Variants in MYO18B observed in about 807,000 individuals in gnomAD.
MYO18B encodes unconventional myosin-XVIIIb.
In MYO18B, 204 loss-of-function variants were observed where a neutral mutation model predicts 273.0. The observed-to-expected ratio is 0.75, with a 90% CI of 0.67 to 0.84. MYO18B has a LOEUF of 0.84. Among genes scored for constraint, MYO18B ranks in the 40% least tolerant of loss-of-function variants. MYO18B has a pLI of 0.00. For missense variants in MYO18B, 3,212 were observed against 3,287.6 expected (o/e 0.98, Z 0.56); for synonymous variants, 1,330 against 1,305.7 (o/e 1.02, Z -0.40).
At chr22:26,009,596 G>A (rs1934719552) in intron 42 of MYO18B, among the ~76,000 whole-genome samples, 1 of 152,144 alleles carries the variant, frequency 6.6e-6, no homozygotes, top group African/African-American at 2.4e-5. Context: ...GCAGCTTCCA[G>A]AGACACAAAT....
In MYO18B at chr22:25,891,381, G is replaced by A; in HGVS notation, c.4512G>A (p.Leu1504=). ...QLEEAQQKIQ[L]NDLERNPTGG... Reference sequence around the variant, plus strand: ...AAGAAGCCCAGCAGAAAATTCAGTTGAATGACTTGGAAAGGAATCCCACTG... The same window carrying A: ...AAGAAGCCCAGCAGAAAATTCAGTTAAATGACTTGGAAAGGAATCCCACTG... Residue 1504 remains leucine, a synonymous_variant, in exon 27 of 44, where the codon TTG becomes TTA. Transcript: ENST00000335473. 6.3e-7 allele frequency: 1 copy of A among 1,584,106 alleles called. No individual in the cohort carries two copies. Among genetic ancestry groups the A allele is most frequent in the Non-Finnish European group, 8.6e-7 (1 of 1,164,902 alleles).
At chr22:25,846,047 G>A in intron 18 of MYO18B, 53 bp from the exon 19 acceptor site, 1 of 1,434,412 alleles carries the variant, frequency 7.0e-7, no homozygotes, top group Non-Finnish European at 9.1e-7. Context: ...CCAGGCCAAG[G>A]CTTTCCCAAG....
intron 12 of MYO18B, among the ~76,000 whole-genome samples, chr22:25,808,054 A>G (rs2088564301): frequency 6.6e-6 from 1 of 152,088 alleles, no homozygotes; most frequent in South Asian, 2.1e-4. Flanking sequence ...TGGGGATGGA[A>G]TGGCTCCTGA....
At chr22:25,910,696 G>A (rs778050763) in intron 32 of MYO18B, among the ~76,000 whole-genome samples, 5 of 152,190 alleles carry the variant, frequency 3.3e-5, no homozygotes, top group Admixed American at 6.5e-5. Context: ...GGGACCTGGG[G>A]GAGGGGGTTT....
intron 12 of MYO18B, among the ~76,000 whole-genome samples, chr22:25,819,314 C>G (rs987723137): frequency 6.6e-6 from 1 of 152,192 alleles, no homozygotes; most frequent in Non-Finnish European, 1.5e-5. Context: ...TATCAATTGC[C>G]AATTTCCTTT....
At chr22:25,948,439 CTTCCTTCCTTCCTTCCTTCCTTCT>C (rs1249977615) in intron 36 of MYO18B, among the ~76,000 whole-genome samples, 40 of 106,344 alleles carry the variant, frequency 3.8e-4, no homozygotes, top group African/African-American at 1.6e-3. Context: ...TCCTTCCTTC[CTTCCTTCCTTCCTTCCTTCCTTCT>C]TTCTTTCTTT....
At chr22:25,963,886 CCTTT>C (rs965668699) in intron 39 of MYO18B, 14 of 152,176 alleles carry the variant, frequency 9.2e-5, no homozygotes, top group African/African-American at 2.6e-4. Context: ...TCTTACTCTT[CCTTT>C]GAGTTTCTGA....
the MYO18B span, among the ~76,000 whole-genome samples, chr22:26,047,391 G>C: frequency 9.2e-5 from 14 of 152,298 alleles, no homozygotes; most frequent in Admixed American, 9.1e-4. Context: ...CTCCCAAAGT[G>C]CTGGGATTAC....
In MYO18B at chr22:25,883,413, T is replaced by C. The variant is rs900207092; in HGVS notation, c.4314+5365T>C. On this transcript the variant is annotated intron_variant, in intron 25 of 43. Coordinates refer to ENST00000335473, the MANE Select transcript of MYO18B (RefSeq NM_032608.7). The surrounding 1 kb of genome is among the most constrained non-coding windows in gnomAD (Gnocchi z 7.6). ...GAATGCCCTGTAAGACTTCTCCGAA[T>C]ACAGATTGCTAGACTCCAGCCTTAG... is the stretch of plus-strand genomic sequence containing the variant. 1 of 152,216 alleles carries C rather than the reference T, an allele frequency of 6.6e-6. No homozygotes were observed. Among genetic ancestry groups the C allele is most frequent in the Non-Finnish European group, 1.5e-5 (1 of 68,040 alleles). The allele number at this position is 152,216 out of a possible 1,614,324, so 9.4% of individuals were successfully genotyped here.
At chr22:25,742,738 C>T (rs572367357) in intron 1 of MYO18B, among the ~76,000 whole-genome samples, 1 of 152,150 alleles carries the variant, frequency 6.6e-6, no homozygotes, top group Non-Finnish European at 1.5e-5. Context: ...GTGTTAACAA[C>T]GCTGTTGAGT....
At chr22:26,029,782 A>G (rs1356877716) in intron 43 of MYO18B, among the ~76,000 whole-genome samples, 1 of 152,176 alleles carries the variant, frequency 6.6e-6, no homozygotes, top group Non-Finnish European at 1.5e-5. Flanking sequence ...ATACAGTCTC[A>G]CCAAGCCCCT....
rs3070628 is a variant in MYO18B at position 25,997,932 on chromosome 22, A to AACACACACAC, written c.6288-5317_6288-5308dup. Among the ~76,000 whole-genome samples the AACACACACAC allele has an allele frequency of 4.1e-3, 592 of 144,750 alleles. 5 individuals are homozygous for AACACACACAC. Among genetic ancestry groups the AACACACACAC allele is most frequent in the African/African-American group, 0.013 (507 of 37,896 alleles). The allele number at this position is 144,750 out of a possible 152,430, so 95.0% of individuals were successfully genotyped here. On this transcript the variant is annotated intron_variant, in intron 40 of 43. Coordinates refer to ENST00000335473, the MANE Select transcript of MYO18B (RefSeq NM_032608.7). ...AAATTCAAAGCCAACCCAGGAGAGAAACACACACACACACACACACACACA... is the reference window on the plus strand; with the variant it reads ...AAATTCAAAGCCAACCCAGGAGAGAAACACACACACACACACACACACACACACACACACA...
Position 25,888,167 on chromosome 22 carries a change from G to C in MYO18B, c.4315-2589G>C, listed in dbSNP as rs1265040860. Reference sequence around the variant, plus strand: ...ATGGCAGTAATTCCTAAATTTTTTTGTTCATAAAAATCACCCTGGAGCAGG... The same window carrying C: ...ATGGCAGTAATTCCTAAATTTTTTTCTTCATAAAAATCACCCTGGAGCAGG... On this transcript the variant is annotated intron_variant, in intron 25 of 43. Transcript: ENST00000335473. 3.3e-5 allele frequency among the ~76,000 whole-genome samples: 5 copies of C among 152,266 alleles called. No homozygotes were observed. In the East Asian group the frequency reaches 9.6e-4, roughly 29 times the overall value.
chr22:26,004,968 G>A lies in MYO18B; in HGVS notation c.6470+113G>A, dbSNP rs1601813450. On this transcript the variant is annotated intron_variant, in intron 42 of 43. Transcript: ENST00000335473. ...TCTGGCATAGGCAAAAACAAGCATGGTCCTGAAAGTCTGGGGTATAACTCT... is the reference window on the plus strand; with the variant it reads ...TCTGGCATAGGCAAAAACAAGCATGATCCTGAAAGTCTGGGGTATAACTCT... 1.0e-5 allele frequency: 14 copies of A among 1,375,650 alleles called. No homozygotes were observed. The East Asian group carries it at 3.0e-4, about 30-fold the overall frequency. The allele number at this position is 1,375,650 out of a possible 1,614,324, so 85.2% of individuals were successfully genotyped here.
At chr22:25,871,516 C>T (rs149111077) in intron 22 of MYO18B, among the ~76,000 whole-genome samples, 1 of 152,082 alleles carries the variant, frequency 6.6e-6, no homozygotes, top group Non-Finnish European at 1.5e-5. Context: ...TTTTTTAAAA[C>T]CTGGGCCTTC....
At chr22:25,979,028 G>A (rs1300073729) in intron 39 of MYO18B, among the ~76,000 whole-genome samples, 1 of 152,182 alleles carries the variant, frequency 6.6e-6, no homozygotes, top group Non-Finnish European at 1.5e-5. Context: ...GCAGAGGAAA[G>A]ATGCAAGAGA....
intron 39 of MYO18B, among the ~76,000 whole-genome samples, chr22:25,977,463 T>A (rs538316907): frequency 4.9e-4 from 74 of 152,224 alleles, no homozygotes; most frequent in Middle Eastern, 3.4e-3. Context: ...TTGGGAGTAG[T>A]GGTTGTATCT....
chr22:25,866,618 A>G lies in MYO18B; in HGVS notation c.3886-1702A>G, dbSNP rs1310072934. Among the ~76,000 whole-genome samples, 11 of 151,952 alleles carry G rather than the reference A, an allele frequency of 7.2e-5. No individual in the cohort carries two copies. In the South Asian group the frequency reaches 1.7e-3, roughly 23 times the overall value. ...CACTATGGGAGGCTGAAGCAGGTGG[A>G]TCATGAGGTCAAGAGATGGAGACCA... On this transcript the variant is annotated intron_variant, in intron 21 of 43. Transcript: ENST00000335473.
chr22:25,786,021 G>A (rs1266164081), intron 11 of MYO18B, among the ~76,000 whole-genome samples: 1 of 152,206 alleles, frequency 6.6e-6, no homozygotes, highest in Admixed American at 6.5e-5. Context: ...GTGGGGCTGA[G>A]AGTTAGGTAT....
Sources: allele counts gnomAD v4.1 joint callset (sites outside exome capture counted in the v4.1 genomes callset), GRCh38; gene constraint gnomAD v4.1.1; non-coding constraint Gnocchi (gnomAD v3.1); transcripts MANE v1.5; gene names NCBI Gene and HGNC (gene_info 2026-07-23, HGNC 2026-07-21).